MRPL1: variants seen among roughly 807,000 people sequenced by gnomAD.
MRPL1 encodes the protein mitochondrial ribosomal protein L1.
In MRPL1, 28 loss-of-function variants were observed where a neutral mutation model predicts 38.0. The ratio of observed to expected loss-of-function variants is 0.74; its 90% CI spans 0.55 to 1.01. MRPL1 has a LOEUF of 1.01. Ranked by LOEUF, MRPL1 falls within the 50% of genes least tolerant of loss-of-function variation. The pLI is 0.00. For missense variants in MRPL1, 358 were observed against 389.8 expected, an observed-to-expected ratio of 0.92 and a Z score of 0.69; for synonymous variants, 123 against 126.7, an observed-to-expected ratio of 0.97 and a Z score of 0.20.
Position 77,909,277 on chromosome 4 carries a change from C to T in MRPL1, c.682C>T (p.Arg228Cys), listed in dbSNP as rs375120227. 30 of 1,604,898 alleles carry T rather than the reference C, an allele frequency of 1.9e-5. No individual in the cohort carries two copies. The highest frequency in any genetic ancestry group is 6.8e-5 in the Admixed American group (4 of 59,238). The change falls in exon 7 of 9, where the codon CGT becomes TGT. Residue 228 changes from arginine to cysteine, a missense_variant. Transcript: ENST00000315567. Reference protein sequence around the residue: ...YPKLSRNSIGRDIPKMLELFK... With the variant: ...YPKLSRNSIGCDIPKMLELFK... The stretch of plus-strand genomic sequence containing the variant: ...CTTTTTCTAACTAGATTCCATTGGC[C>T]GTGACATCCCCAAAATGCTTGAATT...
intron 6 of MRPL1, among the ~76,000 whole-genome samples, chr4:77,904,804 C>T (rs1344899118): frequency 6.6e-6 from 1 of 152,158 alleles, no homozygotes; most frequent in Non-Finnish European, 1.5e-5. Context: ...GCTGAAATAA[C>T]TGGATAATTG....
chr4:77,867,962 T>A (rs1026171625), intron 1 of MRPL1, among the ~76,000 whole-genome samples: 1 of 151,890 alleles, frequency 6.6e-6, no homozygotes, highest in African/African-American at 2.4e-5. Context: ...TTCACCGTGT[T>A]AGCCAGGATG....
At chr4:77,879,200 T>C (rs1312213617) in intron 2 of MRPL1, among the ~76,000 whole-genome samples, 3 of 152,216 alleles carry the variant, frequency 2.0e-5, no homozygotes, top group South Asian at 2.1e-4. Flanking sequence ...GTGATTCTTA[T>C]GAATAAAGGT....
chr4:77,937,809 TAAAG>T (rs2110263176), intron 7 of MRPL1, among the ~76,000 whole-genome samples: 1 of 152,282 alleles, frequency 6.6e-6, no homozygotes, highest in African/African-American at 2.4e-5. Flanking sequence ...AATGCATATA[TAAAG>T]TTTATATCAG....
At chr4:77,882,397 G>A (rs1049789556) in intron 2 of MRPL1, among the ~76,000 whole-genome samples, 1 of 152,162 alleles carries the variant, frequency 6.6e-6, no homozygotes, top group African/African-American at 2.4e-5. Context: ...TATACTCACA[G>A]TTGTGCAGCC....
intron 6 of MRPL1, among the ~76,000 whole-genome samples, chr4:77,900,257 T>C (rs1223688983): frequency 6.6e-6 from 1 of 152,218 alleles, no homozygotes; most frequent in East Asian, 1.9e-4. Flanking sequence ...ATTATTGGCA[T>C]GCCTACCTAT....
At chr4:77,895,479 C>T (rs375258703) in intron 6 of MRPL1, among the ~76,000 whole-genome samples, 2 of 152,076 alleles carry the variant, frequency 1.3e-5, no homozygotes, top group African/African-American at 4.8e-5. Flanking sequence ...AAAACAAGTT[C>T]ACTTGCTGAC....
intron 7 of MRPL1, among the ~76,000 whole-genome samples, chr4:77,948,202 T>C (rs1737316952): frequency 6.6e-6 from 1 of 152,148 alleles, no homozygotes; most frequent in Admixed American, 6.5e-5. Flanking sequence ...TAGGTATAGG[T>C]CTTTAGCGGG....
chr4:77,865,341 G>T (rs1262986136), intron 1 of MRPL1, among the ~76,000 whole-genome samples: 1 of 151,948 alleles, frequency 6.6e-6, no homozygotes, highest in African/African-American at 2.4e-5. Context: ...CAAATTCATT[G>T]TCATAGCCTG....
intron 2 of MRPL1, among the ~76,000 whole-genome samples, chr4:77,879,138 G>T (rs542983700): frequency 6.6e-6 from 1 of 152,166 alleles, no homozygotes; most frequent in South Asian, 2.1e-4. Context: ...AGTATTTAAG[G>T]GTTCCTGATA....
chr4:77,885,470 G>A (rs1207380545), intron 4 of MRPL1, 131 bp downstream of exon 4: 20 of 616,016 alleles, frequency 3.2e-5, no homozygotes, highest in South Asian at 1.4e-4. Flanking sequence ...AGGTTCAAGC[G>A]ATTCTCCTGC....
intron 7 of MRPL1, among the ~76,000 whole-genome samples, chr4:77,946,051 A>G (rs963027645): frequency 1.3e-5 from 2 of 152,102 alleles, no homozygotes; most frequent in African/African-American, 4.8e-5. Context: ...CCCCACCCTA[A>G]TAAGACTGAG....
In MRPL1 at chr4:77,883,520, A is replaced by G. The variant is rs1735598894; in HGVS notation, c.402+20A>G. 1 of 1,573,046 alleles carries G rather than the reference A, an allele frequency of 6.4e-7. No homozygotes were observed. Among genetic ancestry groups the G allele is most frequent in the Non-Finnish European group, 8.6e-7 (1 of 1,161,690 alleles). The stretch of plus-strand genomic sequence containing the variant: ...AAGAAGGTATGTAGAGTCCATTAAA[A>G]TAAGTTTACCTGTGAACAGTGGCTG... On this transcript the variant is annotated intron_variant, in intron 3 of 8. Coordinates refer to ENST00000315567, the MANE Select transcript of MRPL1 (RefSeq NM_020236.4).
chr4:77,920,047 G>A (rs1043828135), intron 7 of MRPL1, among the ~76,000 whole-genome samples: 25 of 152,114 alleles, frequency 1.6e-4, no homozygotes, highest in Non-Finnish European at 5.9e-5. Context: ...ATTTGCATAG[G>A]TAATGCACAC....
chr4:77,948,502 A>G (rs956367986), intron 7 of MRPL1, among the ~76,000 whole-genome samples: 1 of 152,226 alleles, frequency 6.6e-6, no homozygotes, highest in Admixed American at 6.5e-5. Flanking sequence ...AAGGATTGGC[A>G]TAAAGTGAGA....
At chr4:77,936,140 T>A (rs1225440108) in intron 7 of MRPL1, among the ~76,000 whole-genome samples, 1 of 151,654 alleles carries the variant, frequency 6.6e-6, no homozygotes, top group Non-Finnish European at 1.5e-5. Context: ...TTTAGTACTT[T>A]TTATTACTGC....
chr4:77,876,597 G>A (rs1378643415), intron 2 of MRPL1, among the ~76,000 whole-genome samples: 2 of 152,146 alleles, frequency 1.3e-5, no homozygotes, highest in East Asian at 1.9e-4. Context: ...GTAGTTTGAT[G>A]AGAATCATAG....
chr4:77,897,199 G>A (rs957586039), intron 6 of MRPL1, among the ~76,000 whole-genome samples: 1 of 151,966 alleles, frequency 6.6e-6, no homozygotes, highest in Non-Finnish European at 1.5e-5. Context: ...AAGTAGCTGC[G>A]ATTACAGGAG....
chr4:77,927,739 G>T (rs935371375), intron 7 of MRPL1, among the ~76,000 whole-genome samples: 1 of 151,968 alleles, frequency 6.6e-6, no homozygotes, highest in African/African-American at 2.4e-5. Context: ...GCATTTATAT[G>T]ATAGCCTAGG....
Sources: allele counts gnomAD v4.1 joint callset (sites outside exome capture counted in the v4.1 genomes callset), GRCh38; gene constraint gnomAD v4.1.1; transcripts MANE v1.5; gene names NCBI Gene and HGNC (gene_info 2026-07-23, HGNC 2026-07-21).